The following TRPM3 variants were observed in gnomAD, a reference collection of about 807,000 sequenced individuals.
The protein encoded by TRPM3 is long transient receptor potential channel 3.
TRPM3 carries 77 observed loss-of-function variants against 181.2 expected under a neutral mutation model. The ratio of observed to expected loss-of-function variants is 0.42; its 90% confidence interval spans 0.35 to 0.51. The LOEUF (loss-of-function observed/expected upper bound fraction) is 0.51. Ranked by LOEUF, TRPM3 falls within the 20% of genes least tolerant of loss-of-function variation. The pLI, the probability that TRPM3 is intolerant of heterozygous loss-of-function variation, is 0.01. For missense variants in TRPM3, 1,759 were observed against 2,196.7 expected (o/e 0.80, Z 3.98); for synonymous variants, 745 against 796.4 (o/e 0.94, Z 1.09).
At chr9:71,047,056 A>G (rs546832945) in intron 1 of TRPM3, among the ~76,000 whole-genome samples, 1 of 152,366 alleles carries the variant, frequency 6.6e-6, no homozygotes, top group South Asian at 2.1e-4. Flanking sequence ...GTTTTCTTAT[A>G]GTATTTTATA....
intron 8 of TRPM3, among the ~76,000 whole-genome samples, chr9:70,693,425 C>T (rs10116679): frequency 0.36 from 55,083 of 152,050 alleles, 10,234 homozygotes; most frequent in East Asian, 0.46. Flanking sequence ...ACAGTTCTTC[C>T]AGGCCAACAC....
At chr9:71,232,122 C>T (rs1364979807) in intron 1 of TRPM3, among the ~76,000 whole-genome samples, 1 of 152,022 alleles carries the variant, frequency 6.6e-6, no homozygotes, top group Non-Finnish European at 1.5e-5. Flanking sequence ...GGAGAGCAGA[C>T]TTTTATGAAG....
At chr9:71,304,254 T>G (rs902176817) in intron 1 of TRPM3, among the ~76,000 whole-genome samples, 1 of 152,162 alleles carries the variant, frequency 6.6e-6, no homozygotes, top group Non-Finnish European at 1.5e-5. Flanking sequence ...AAGGATAGAG[T>G]TCTTCAGGTC....
intron 1 of TRPM3, among the ~76,000 whole-genome samples, chr9:71,243,390 T>C (rs35533028): frequency 0.13 from 20,452 of 152,244 alleles, 1,762 homozygotes; most frequent in Non-Finnish European, 0.19. Flanking sequence ...TCATCTCCGC[T>C]GTGCAGCTGT....
chr9:70,597,572 C>T (rs1480138492), intron 21 of TRPM3, among the ~76,000 whole-genome samples: 1 of 152,122 alleles, frequency 6.6e-6, no homozygotes, highest in Non-Finnish European at 1.5e-5. Context: ...GATGCATTCC[C>T]AGATTCACAC....
At chr9:70,961,303 A>G (rs113388375) in intron 1 of TRPM3, among the ~76,000 whole-genome samples, 2 of 152,136 alleles carry the variant, frequency 1.3e-5, no homozygotes, top group African/African-American at 4.8e-5. Flanking sequence ...CAGCTCTGCA[A>G]CACCTTGATT....
intron 20 of TRPM3, among the ~76,000 whole-genome samples, chr9:70,600,979 G>A (rs907384221): frequency 6.6e-6 from 1 of 152,142 alleles, no homozygotes; most frequent in African/African-American, 2.4e-5. Flanking sequence ...AATCCCCCCT[G>A]CCTCCTCCAC....
chr9:71,092,510 T>C (rs1217623136), intron 1 of TRPM3, among the ~76,000 whole-genome samples: 1 of 152,148 alleles, frequency 6.6e-6, no homozygotes, highest in Non-Finnish European at 1.5e-5. Context: ...ACTTAATAAA[T>C]TGTAAAATTA....
chr9:71,335,404 T>C (rs1462001114), intron 1 of TRPM3, among the ~76,000 whole-genome samples: 1 of 152,128 alleles, frequency 6.6e-6, no homozygotes, highest in Admixed American at 6.6e-5. Context: ...AGAATAGCCA[T>C]CTTTAAACTT....
At chr9:71,387,740 C>T (rs1214842547) in intron 1 of TRPM3, among the ~76,000 whole-genome samples, 1 of 152,046 alleles carries the variant, frequency 6.6e-6, no homozygotes, top group Non-Finnish European at 1.5e-5. Context: ...GGAAAGGTTA[C>T]CTCCATTATT....
chr9:70,920,288 A>T (rs1393818649), intron 1 of TRPM3, among the ~76,000 whole-genome samples: 1 of 152,170 alleles, frequency 6.6e-6, no homozygotes, highest in East Asian at 1.9e-4. Context: ...TGCACTCCTC[A>T]CAATGTCTGT....
chr9:71,226,379 G>C (rs1412920006), intron 1 of TRPM3, among the ~76,000 whole-genome samples: 1 of 151,860 alleles, frequency 6.6e-6, no homozygotes, highest in Non-Finnish European at 1.5e-5. Flanking sequence ...CCAATTGAAA[G>C]ACATAGAGTG....
At chr9:70,671,573 A>G (rs1216992946) in intron 9 of TRPM3, among the ~76,000 whole-genome samples, 1 of 152,178 alleles carries the variant, frequency 6.6e-6, no homozygotes, top group African/African-American at 2.4e-5. Flanking sequence ...GGTAGGTAAT[A>G]AGTGATATAT....
Position 71,441,721 on chromosome 9 carries a change from C to T in TRPM3, c.183+4932G>A, listed in dbSNP as rs551694490. On this transcript the variant is annotated intron_variant, in intron 1 of 24. Transcript: ENST00000357533. The stretch of plus-strand genomic sequence containing the variant: ...GATCTCGGCTCACTGCAACCTCTGC[C>T]TCCAGGGTTCAAGTGATTCTCTTGC... Among the ~76,000 whole-genome samples the T allele has an allele frequency of 3.3e-5, 5 of 151,602 alleles. No individual in the cohort carries two copies. In the East Asian group the frequency reaches 9.7e-4, roughly 29 times the overall value.
chr9:70,787,285 G>A (rs7040905), intron 6 of TRPM3, among the ~76,000 whole-genome samples: 78,414 of 151,906 alleles, frequency 0.52, 20,608 homozygotes, highest in South Asian at 0.56. Flanking sequence ...GTCAAATTTG[G>A]TGCCAAAAAT....
chr9:71,217,531 T>G (rs1281765913), intron 1 of TRPM3, among the ~76,000 whole-genome samples: 2 of 152,206 alleles, frequency 1.3e-5, no homozygotes, highest in Admixed American at 1.3e-4. Flanking sequence ...TGGTATTTAG[T>G]GCAGTACTGT....
chr9:70,598,527 G>A lies in TRPM3; in HGVS notation c.2940C>T (p.Asp980=), dbSNP rs142773885. 1.4e-5 allele frequency: 23 copies of A among 1,614,048 alleles called. No individual in the cohort carries two copies. Among genetic ancestry groups the A allele is most frequent in the African/African-American group, 4.0e-5 (3 of 74,916 alleles). The part of the protein sequence containing the change: ...LRLQDQPFRS[D]GRVIYCVNII... Reference sequence around the variant, plus strand: ...TGTTCACGCAGTAGATGACCCTCCCGTCACTCCTGAAGGGCTGGTCTTGGA... The same window carrying A: ...TGTTCACGCAGTAGATGACCCTCCCATCACTCCTGAAGGGCTGGTCTTGGA... Residue 980 remains aspartate, a synonymous_variant, in exon 21 of 26, where the codon GAC becomes GAT. Transcript: ENST00000677713.
intron 5 of TRPM3, among the ~76,000 whole-genome samples, chr9:70,835,864 G>C (rs12380236): frequency 0.37 from 55,635 of 151,864 alleles, 10,575 homozygotes; most frequent in Non-Finnish European, 0.38. Flanking sequence ...ATATGGTCTA[G>C]GGAGCTAGGT....
At chr9:71,089,322 A>G (rs977945648) in intron 1 of TRPM3, among the ~76,000 whole-genome samples, 1 of 151,322 alleles carries the variant, frequency 6.6e-6, no homozygotes, top group East Asian at 1.9e-4. Flanking sequence ...CAAACATGCT[A>G]TACAAAGATA....
Sources: gnomAD v4.1 joint callset for allele counts (sites outside exome capture counted in the v4.1 genomes callset) on GRCh38, gnomAD v4.1.1 for gene constraint, MANE v1.5 for transcripts, NCBI Gene and HGNC (gene_info 2026-07-23, HGNC 2026-07-21) for gene names.